The following NAV1 variants were observed in gnomAD, a reference collection of about 807,000 sequenced individuals.
NAV1 encodes neuron navigator 1, also known as pore membrane and/or filament interacting like protein 3.
Under a neutral mutation model 175.2 loss-of-function variants are expected in NAV1, and 18 were observed. The ratio of observed to expected loss-of-function variants is 0.10; its 90% CI spans 0.07 to 0.15. The LOEUF (loss-of-function observed/expected upper bound fraction) is 0.15. NAV1 is among the 10% of genes least tolerant of loss of function. The pLI is 1.00. For synonymous variants in NAV1, 897 were observed against 978.7 expected (o/e 0.92, Z 1.56); for missense variants, 1,731 against 2,436.6 (o/e 0.71, Z 6.10).
chr1:201,696,071 C>T (rs976267450), intron 1 of NAV1, among the ~76,000 whole-genome samples: 1 of 152,182 alleles, frequency 6.6e-6, no homozygotes, highest in African/African-American at 2.4e-5. Flanking sequence ...CTGCATCCAG[C>T]CTTGCACTTC....
intron 1 of NAV1, among the ~76,000 whole-genome samples, chr1:201,553,642 A>G (rs533093839): frequency 1.3e-5 from 2 of 152,152 alleles, no homozygotes; most frequent in African/African-American, 2.4e-5. Flanking sequence ...CCATCAACCC[A>G]CAGAATTTCC....
At chr1:201,545,827 G>A (rs1048702012) in intron 1 of NAV1, among the ~76,000 whole-genome samples, 3 of 152,334 alleles carry the variant, frequency 2.0e-5, no homozygotes, top group Non-Finnish European at 4.4e-5. Context: ...GAACGAGTCT[G>A]ACTGTATCTT....
At chr1:201,624,506 G>C (rs1668272607) in intron 1 of NAV1, among the ~76,000 whole-genome samples, 1 of 151,614 alleles carries the variant, frequency 6.6e-6, no homozygotes, top group African/African-American at 2.4e-5. Context: ...ACCACACCTG[G>C]CTAATTTTTT....
At chr1:201,571,001 A>G (rs1251970423) in intron 1 of NAV1, among the ~76,000 whole-genome samples, 2 of 151,988 alleles carry the variant, frequency 1.3e-5, no homozygotes, top group African/African-American at 4.8e-5. Context: ...GTCCGCATCC[A>G]CCCCTGCCAG....
chr1:201,579,436 AC>A (rs1329733835), intron 1 of NAV1, among the ~76,000 whole-genome samples: 1 of 151,876 alleles, frequency 6.6e-6, no homozygotes, highest in Non-Finnish European at 1.5e-5. Flanking sequence ...GCTCACTGCA[AC>A]CTCTGCCTCC....
At chr1:201,783,433 A>G (rs1459791772) in exon 7 of NAV1, 2 of 1,613,860 alleles carry the variant, frequency 1.2e-6, no homozygotes, top group African/African-American at 1.3e-5. Context: ...TTGTCAAACC[A>G]CCCTCACTAG....
rs897840547 is a variant in NAV1 at position 201,812,224 on chromosome 1, G to A, written c.5025-241G>A. ...TAAGCAGAATTAGGATTCTCTGCCCGCACACGCTGATCTGGGTCAGTGATG... is the reference window on the plus strand; with the variant it reads ...TAAGCAGAATTAGGATTCTCTGCCCACACACGCTGATCTGGGTCAGTGATG... On this transcript the variant is annotated intron_variant, in intron 26 of 29. Coordinates refer to ENST00000367296, the Ensembl canonical transcript of NAV1. The surrounding 1 kb of genome is among the most constrained non-coding windows in gnomAD (Gnocchi z 4.6). 3.3e-5 allele frequency among the ~76,000 whole-genome samples: 5 copies of A among 152,212 alleles called. No homozygotes were observed. Among genetic ancestry groups the A allele is most frequent in the African/African-American group, 9.7e-5 (4 of 41,450 alleles).
chr1:201,590,801 G>T (rs1190521797), intron 2 of NAV1, among the ~76,000 whole-genome samples: 1 of 152,230 alleles, frequency 6.6e-6, no homozygotes, highest in African/African-American at 2.4e-5. Flanking sequence ...AAGCAGATGG[G>T]AAGGAGTGGC....
chr1:201,806,987 C>T (rs1018837526), intron 17 of NAV1, among the ~76,000 whole-genome samples: 1 of 152,104 alleles, frequency 6.6e-6, no homozygotes, highest in African/African-American at 2.4e-5. Context: ...TAACCTTTGA[C>T]CCCTCCTTTA....
intron 1 of NAV1, among the ~76,000 whole-genome samples, chr1:201,553,441 T>C (rs189716127): frequency 1.2e-4 from 18 of 152,382 alleles, no homozygotes; most frequent in African/African-American, 4.3e-4. Context: ...TGTGAGGGTA[T>C]ATTCACCTGC....
At chr1:201,656,610 C>A (rs969053124) in intron 1 of NAV1, among the ~76,000 whole-genome samples, 6 of 152,164 alleles carry the variant, frequency 3.9e-5, no homozygotes, top group Admixed American at 2.0e-4. Flanking sequence ...ATGGCACAAA[C>A]CCCTAGAACT....
In NAV1 at chr1:201,613,323, T is replaced by G. The variant is rs570274; in HGVS notation, c.-32-9530T>G. On this transcript the variant is annotated intron_variant, in intron 2 of 33. Transcript: ENST00000685211. ...CCTCCCCCCCGCCACCAACCCCATA[T>G]AAATGGACTGTCCTATTTGTACTCA... is the stretch of plus-strand genomic sequence containing the variant. Among the ~76,000 whole-genome samples, 624 of 146,712 alleles carry G rather than the reference T, an allele frequency of 4.3e-3. 5 individuals are homozygous for G. Among genetic ancestry groups the G allele is most frequent in the African/African-American group, 0.014 (587 of 40,556 alleles).
intron 2 of NAV1, among the ~76,000 whole-genome samples, chr1:201,714,202 C>T (rs572579024): frequency 6.6e-5 from 10 of 152,316 alleles, no homozygotes; most frequent in East Asian, 3.9e-4. Flanking sequence ...TGAGCCACCG[C>T]GCCCGGCCAA....
chr1:201,596,469 G>T (rs1338104151), intron 2 of NAV1, among the ~76,000 whole-genome samples: 1 of 152,228 alleles, frequency 6.6e-6, no homozygotes, highest in Non-Finnish European at 1.5e-5. Flanking sequence ...TCATGTGAAA[G>T]AACCACAGCA....
At chr1:201,738,537 G>C (rs577894988) in intron 3 of NAV1, among the ~76,000 whole-genome samples, 10 of 152,186 alleles carry the variant, frequency 6.6e-5, no homozygotes, top group African/African-American at 2.4e-4. Context: ...AAAATAGTAG[G>C]GGCAGCCTGC....
intron 1 of NAV1, among the ~76,000 whole-genome samples, chr1:201,675,211 T>G (rs1163625543): frequency 1.3e-5 from 2 of 152,128 alleles, no homozygotes; most frequent in Non-Finnish European, 2.9e-5. Flanking sequence ...TCCACCACCA[T>G]GTCACACCAA....
At chr1:201,558,191 C>T (rs185450873) in intron 1 of NAV1, among the ~76,000 whole-genome samples, 46 of 152,306 alleles carry the variant, frequency 3.0e-4, no homozygotes, top group African/African-American at 9.9e-4. Flanking sequence ...ACTTATTTAA[C>T]GTGCATAAGC....
intron 3 of NAV1, among the ~76,000 whole-genome samples, chr1:201,734,187 T>G (rs1470697838): frequency 6.6e-6 from 1 of 152,018 alleles, no homozygotes; most frequent in African/African-American, 2.4e-5. Context: ...GCGGGCGGAT[T>G]GCTTGAGCCC....
At chr1:201,803,339 A>G (rs1678061513) in intron 15 of NAV1, among the ~76,000 whole-genome samples, 1 of 152,112 alleles carries the variant, frequency 6.6e-6, no homozygotes, top group Non-Finnish European at 1.5e-5. Context: ...TGAGTCCATG[A>G]CTCCATGCTA....
Sources: gnomAD v4.1 joint callset for allele counts (sites outside exome capture counted in the v4.1 genomes callset) on GRCh38, gnomAD v4.1.1 for gene constraint, Gnocchi (gnomAD v3.1) non-coding constraint, MANE v1.5 for transcripts, NCBI Gene and HGNC (gene_info 2026-07-23, HGNC 2026-07-21) for gene names.